RNF13: variants seen among roughly 807,000 people sequenced by gnomAD.
RNF13 encodes the protein ring finger protein 13.
Under a neutral mutation model 37.7 loss-of-function variants are expected in RNF13, and 19 were observed. The observed-to-expected ratio is 0.50, with a 90% CI of 0.35 to 0.74. RNF13 has a LOEUF of 0.74. RNF13 is among the 30% of genes least tolerant of loss of function. The probability of loss-of-function intolerance (pLI) is 0.01; values close to 1 mark genes in which losing one functional copy is unlikely to be tolerated. For synonymous variants in RNF13, 144 were observed against 157.8 expected (o/e 0.91, Z 0.65); for missense variants, 375 against 453.0 (o/e 0.83, Z 1.56).
At chr3:149,842,549 C>A (rs1005606549) in intron 1 of RNF13, among the ~76,000 whole-genome samples, 3 of 152,128 alleles carry the variant, frequency 2.0e-5, no homozygotes, top group Non-Finnish European at 4.4e-5. Context: ...GGATATAAAC[C>A]CATATGTATA....
intron 1 of RNF13, among the ~76,000 whole-genome samples, chr3:149,835,279 GAATATATAGAGA>G (rs1487132126): frequency 6.6e-6 from 1 of 152,146 alleles, no homozygotes; most frequent in African/African-American, 2.4e-5. Flanking sequence ...TTGCTGTCTA[GAATATATAGAGA>G]ATTTAAAAAA....
chr3:149,876,012 C>A (rs1712649903), intron 4 of RNF13, among the ~76,000 whole-genome samples: 1 of 139,876 alleles, frequency 7.1e-6, no homozygotes, highest in South Asian at 2.3e-4. Context: ...AATTGAAAGG[C>A]CATTAAAATA....
rs1722416712 is a variant in RNF13, at chr3:149,961,422, T to G, written c.*318T>G. Reference sequence around the variant, plus strand: ...AGACCTAGATCACAGTATTTAAGTGTTTTGCGTTTTATACATGAGGTCAGT... The same window carrying G: ...AGACCTAGATCACAGTATTTAAGTGGTTTGCGTTTTATACATGAGGTCAGT... On this transcript the variant is annotated 3_prime_UTR_variant, in exon 10 of 10. Coordinates refer to ENST00000392894, the MANE Select transcript of RNF13 (RefSeq NM_183381.3). The G allele has an allele frequency of 2.1e-6, 1 of 485,020 alleles. No homozygotes were observed. Among genetic ancestry groups the G allele is most frequent in the Admixed American group, 2.5e-5 (1 of 39,584 alleles). The allele number at this position is 485,020 out of a possible 1,614,324, so 30.0% of individuals were successfully genotyped here.
At chr3:149,892,580 G>A (rs548106738) in intron 4 of RNF13, among the ~76,000 whole-genome samples, 4 of 152,254 alleles carry the variant, frequency 2.6e-5, no homozygotes, top group South Asian at 2.1e-4. Flanking sequence ...GGAGGTGAGC[G>A]GTGGGCCGGC....
intron 1 of RNF13, among the ~76,000 whole-genome samples, chr3:149,829,882 T>C (rs1184990894): frequency 6.6e-6 from 1 of 151,770 alleles, no homozygotes. Context: ...ATGGGGGTGG[T>C]TTTTTCTGTG....
intron 8 of RNF13, among the ~76,000 whole-genome samples, chr3:149,938,627 T>C (rs1343216215): frequency 6.6e-6 from 1 of 152,158 alleles, no homozygotes; most frequent in African/African-American, 2.4e-5. Context: ...TAGCATGATA[T>C]TTTTGTCAAT....
intron 5 of RNF13, 60 bp from the exon 6 acceptor site, chr3:149,902,012 A>G (rs757348114): frequency 1.6e-5 from 11 of 701,258 alleles, no homozygotes; most frequent in Admixed American, 6.2e-5. Flanking sequence ...ATTATGAAGA[A>G]AAGTTGATTA....
intron 8 of RNF13, among the ~76,000 whole-genome samples, chr3:149,936,042 A>G (rs1206610771): frequency 6.7e-6 from 1 of 149,170 alleles, no homozygotes; most frequent in Admixed American, 6.7e-5. Context: ...TTTTTCCTTT[A>G]GCTTTTTAAT....
intron 8 of RNF13, among the ~76,000 whole-genome samples, chr3:149,941,690 C>T (rs1294222744): frequency 6.6e-6 from 1 of 151,566 alleles, no homozygotes; most frequent in East Asian, 1.9e-4. Flanking sequence ...AAAAGTTTCT[C>T]GTAGTCCCAT....
chr3:149,852,458 G>GT, intron 2 of RNF13, 58 bp from the exon 3 acceptor site: 2 of 690,824 alleles, frequency 2.9e-6, no homozygotes, highest in East Asian at 6.1e-5. Flanking sequence ...ATAAGTCTTT[G>GT]TTTTTAATGT....
At chr3:149,840,186 G>C (rs930437594) in intron 1 of RNF13, among the ~76,000 whole-genome samples, 1 of 152,218 alleles carries the variant, frequency 6.6e-6, no homozygotes, top group Non-Finnish European at 1.5e-5. Flanking sequence ...TGACGAAGCT[G>C]ATTTCAGTTA....
chr3:149,878,692 TC>T (rs1713034818), intron 4 of RNF13, among the ~76,000 whole-genome samples: 1 of 152,206 alleles, frequency 6.6e-6, no homozygotes, highest in Admixed American at 6.5e-5. Context: ...TCTTCTTATT[TC>T]TTTGGACTCA....
intron 4 of RNF13, among the ~76,000 whole-genome samples, chr3:149,887,984 A>G (rs1714244758): frequency 6.6e-6 from 1 of 152,246 alleles, no homozygotes; most frequent in Admixed American, 6.5e-5. Flanking sequence ...AAGACGCTTT[A>G]AAGCTACTGA....
At chr3:149,947,171 G>T (rs761503363) in intron 8 of RNF13, among the ~76,000 whole-genome samples, 1 of 151,864 alleles carries the variant, frequency 6.6e-6, no homozygotes, top group African/African-American at 2.4e-5. Flanking sequence ...GGCTTTTTTC[G>T]TGGTCTAATA....
chr3:149,832,440 T>C (rs1041456349), intron 1 of RNF13, among the ~76,000 whole-genome samples: 1 of 152,192 alleles, frequency 6.6e-6, no homozygotes, highest in Non-Finnish European at 1.5e-5. Context: ...AAGTTAGGAT[T>C]TACTGTGATG....
intron 1 of RNF13, among the ~76,000 whole-genome samples, chr3:149,832,887 A>G (rs977078562): frequency 1.3e-5 from 2 of 152,144 alleles, no homozygotes; most frequent in Non-Finnish European, 2.9e-5. Flanking sequence ...AATCAAAAAC[A>G]TTCCAAGAAA....
rs530015566 is a variant in RNF13, at chr3:149,849,412, G to A, written c.115-3104G>A. On this transcript the variant is annotated intron_variant, in intron 2 of 9. Coordinates refer to ENST00000392894, the MANE Select transcript of RNF13 (RefSeq NM_183381.3). ...TGTGTAGCAAAGAAACACCCAATGGGTGGTGGTGTGAATGGATTGGATTAT... is the reference window on the plus strand; with the variant it reads ...TGTGTAGCAAAGAAACACCCAATGGATGGTGGTGTGAATGGATTGGATTAT... 5.3e-5 allele frequency among the ~76,000 whole-genome samples: 8 copies of A among 152,328 alleles called. No homozygotes were observed. In the East Asian group the frequency reaches 1.5e-3, roughly 29 times the overall value.
intron 8 of RNF13, chr3:149,939,194 A>G (rs776553274): frequency 1.6e-5 from 8 of 513,084 alleles, no homozygotes; most frequent in Non-Finnish European, 2.6e-5. Flanking sequence ...AGTCTTTTCC[A>G]TTCTGATTTG....
chr3:149,901,167 A>G (rs1715794071), intron 5 of RNF13, among the ~76,000 whole-genome samples: 1 of 152,134 alleles, frequency 6.6e-6, no homozygotes, highest in Non-Finnish European at 1.5e-5. Flanking sequence ...GATGGGAAAG[A>G]TTATGATTTT....
Sources: gnomAD v4.1 joint callset for allele counts (sites outside exome capture counted in the v4.1 genomes callset) on GRCh38, gnomAD v4.1.1 for gene constraint, MANE v1.5 for transcripts, NCBI Gene and HGNC (gene_info 2026-07-23, HGNC 2026-07-21) for gene names.